The following CWC27 variants were observed in gnomAD, a reference collection of about 807,000 sequenced individuals.
CWC27 encodes the protein spliceosome-associated protein CWC27 homolog.
CWC27 carries 47 observed loss-of-function variants against 63.6 expected under a neutral mutation model. The observed-to-expected ratio is 0.74, with a 90% CI of 0.58 to 0.94. The LOEUF is 0.94. Among genes scored for constraint, CWC27 ranks in the 40% least tolerant of loss-of-function variants. The probability of loss-of-function intolerance (pLI) is 0.00; values close to 1 mark genes in which losing one functional copy is unlikely to be tolerated. For synonymous variants in CWC27, 175 were observed against 179.8 expected (o/e 0.97, Z 0.22); for missense variants, 495 against 554.3 (o/e 0.89, Z 1.07).
intron 11 of CWC27, among the ~76,000 whole-genome samples, chr5:64,923,071 G>T (rs929466474): frequency 1.3e-5 from 2 of 152,166 alleles, no homozygotes; most frequent in East Asian, 3.9e-4. Flanking sequence ...TCTGATGGAG[G>T]TGCCACAGGT....
At chr5:64,941,995 A>G (rs1279081755) in intron 11 of CWC27, among the ~76,000 whole-genome samples, 1 of 152,168 alleles carries the variant, frequency 6.6e-6, no homozygotes, top group African/African-American at 2.4e-5. Context: ...TCAGCAAATT[A>G]TAACTATTTT....
chr5:64,851,312 A>G (rs1027862116), intron 10 of CWC27, among the ~76,000 whole-genome samples: 7 of 152,030 alleles, frequency 4.6e-5, no homozygotes, highest in Non-Finnish European at 7.4e-5. Context: ...AAAGACAAAT[A>G]CCCTGTGTTC....
At chr5:64,962,486 G>A (rs2112434845) in intron 11 of CWC27, among the ~76,000 whole-genome samples, 1 of 152,214 alleles carries the variant, frequency 6.6e-6, no homozygotes, top group South Asian at 2.1e-4. Flanking sequence ...TATGGCCTTG[G>A]GTTAGAGAGG....
intron 10 of CWC27, among the ~76,000 whole-genome samples, chr5:64,878,648 C>T (rs1190825069): frequency 1.3e-5 from 2 of 151,600 alleles, no homozygotes; most frequent in Non-Finnish European, 3.0e-5. Context: ...TCAAGTGCCA[C>T]TTTTTCCATG....
intron 11 of CWC27, among the ~76,000 whole-genome samples, chr5:64,900,347 C>T (rs189505710): frequency 2.0e-5 from 3 of 152,218 alleles, no homozygotes; most frequent in African/African-American, 7.2e-5. Context: ...TATTTGTCAT[C>T]CGTATATATT....
chr5:64,936,269 G>A (rs904459039), intron 11 of CWC27, among the ~76,000 whole-genome samples: 3 of 152,242 alleles, frequency 2.0e-5, no homozygotes, highest in East Asian at 1.9e-4. Flanking sequence ...TTTGAGATAC[G>A]TTCCATCAAT....
intron 12 of CWC27, among the ~76,000 whole-genome samples, chr5:64,974,951 G>A (rs2112445166): frequency 6.6e-6 from 1 of 152,256 alleles, no homozygotes; most frequent in Admixed American, 6.5e-5. Flanking sequence ...AACATTGTTT[G>A]AATAGCTTAA....
At chr5:64,990,365 C>G (rs532795127) in intron 13 of CWC27, among the ~76,000 whole-genome samples, 1 of 95,944 alleles carries the variant, frequency 1.0e-5, no homozygotes, top group Non-Finnish European at 2.2e-5. Context: ...CCCGGGTTCA[C>G]GCCATTCTCC....
chr5:64,789,459 A>G (rs1744001368), intron 7 of CWC27, among the ~76,000 whole-genome samples: 2 of 152,096 alleles, frequency 1.3e-5, no homozygotes, highest in Non-Finnish European at 1.5e-5. Context: ...TATTATTATC[A>G]TCCTCATTTT....
At chr5:64,818,422 A>G (rs556559545) in intron 10 of CWC27, among the ~76,000 whole-genome samples, 3 of 152,294 alleles carry the variant, frequency 2.0e-5, no homozygotes, top group Admixed American at 6.5e-5. Flanking sequence ...AGTCATTACA[A>G]ATTAATAGAA....
intron 13 of CWC27, among the ~76,000 whole-genome samples, chr5:65,012,120 G>A (rs1486486322): frequency 6.6e-6 from 1 of 151,912 alleles, no homozygotes; most frequent in East Asian, 1.9e-4. Context: ...TTTAAATTTT[G>A]TACTCCAAAA....
chr5:64,790,576 C>T (rs897760658), intron 7 of CWC27, among the ~76,000 whole-genome samples: 1 of 152,036 alleles, frequency 6.6e-6, no homozygotes, highest in Admixed American at 6.6e-5. Flanking sequence ...TTCCCCCACC[C>T]CTGTTTTTCC....
intron 11 of CWC27, among the ~76,000 whole-genome samples, chr5:64,946,492 A>G (rs2112420548): frequency 6.6e-6 from 1 of 152,298 alleles, no homozygotes; most frequent in Admixed American, 6.5e-5. Context: ...ATAGATGTGC[A>G]TATTCACAAA....
chr5:64,885,568 A>T (rs1468780630), intron 11 of CWC27, 22 bp downstream of exon 11: 1 of 1,534,370 alleles, frequency 6.5e-7, no homozygotes. Flanking sequence ...TATCACGCTT[A>T]TTTTTTCACT....
intron 11 of CWC27, among the ~76,000 whole-genome samples, chr5:64,912,073 CAAAAAA>C (rs1253684440): frequency 8.5e-4 from 71 of 83,514 alleles, no homozygotes; most frequent in African/African-American, 2.5e-3. Flanking sequence ...GACTCTGTCT[CAAAAAA>C]AAAAAAAAAA....
At chr5:64,908,248 G>C (rs1317405189) in intron 11 of CWC27, among the ~76,000 whole-genome samples, 1 of 152,204 alleles carries the variant, frequency 6.6e-6, no homozygotes, top group African/African-American at 2.4e-5. Context: ...TGGTCTGAGA[G>C]ACAGTTTGTT....
intron 11 of CWC27, among the ~76,000 whole-genome samples, chr5:64,912,864 T>C (rs1299095625): frequency 6.6e-6 from 1 of 152,126 alleles, no homozygotes; most frequent in Non-Finnish European, 1.5e-5. Context: ...AACACCAGTC[T>C]TACAGAAACT....
At chr5:64,769,911 A>G (rs969056307) in intron 1 of CWC27, among the ~76,000 whole-genome samples, 1 of 152,206 alleles carries the variant, frequency 6.6e-6, no homozygotes, top group East Asian at 1.9e-4. Context: ...ATTCCCATCC[A>G]AGATGTTTGT....
At chr5:64,998,421 C>T (rs1749676621) in intron 13 of CWC27, among the ~76,000 whole-genome samples, 1 of 152,130 alleles carries the variant, frequency 6.6e-6, no homozygotes, top group African/African-American at 2.4e-5. Flanking sequence ...CACCTGTGTC[C>T]TGCTGAGTGT....
Sources: allele counts gnomAD v4.1 joint callset (sites outside exome capture counted in the v4.1 genomes callset), GRCh38; gene constraint gnomAD v4.1.1; transcripts MANE v1.5; gene names NCBI Gene and HGNC (gene_info 2026-07-23, HGNC 2026-07-21).